The following CYB5R4 variants were observed in gnomAD, a reference collection of about 807,000 sequenced individuals.
CYB5R4 encodes the protein N-terminal cytochrome b5 and cytochrome b5 oxidoreductase domain-containing protein.
Under a neutral mutation model 70.2 loss-of-function variants are expected in CYB5R4, and 55 were observed. That is an observed-to-expected ratio of 0.78 (90% CI 0.63 to 0.98). CYB5R4 has a LOEUF of 0.98. CYB5R4 is among the 50% of genes least tolerant of loss of function. The probability of loss-of-function intolerance (pLI) is 0.00; values close to 1 mark genes in which losing one functional copy is unlikely to be tolerated. For missense variants in CYB5R4, 562 were observed against 612.6 expected, an observed-to-expected ratio of 0.92 and a Z score of 0.87; for synonymous variants, 197 against 199.5, an observed-to-expected ratio of 0.99 and a Z score of 0.11.
intron 3 of CYB5R4, among the ~76,000 whole-genome samples, chr6:83,899,841 T>C (rs894583236): frequency 5.3e-5 from 8 of 152,202 alleles, no homozygotes; most frequent in African/African-American, 1.9e-4. Flanking sequence ...TTGCATCTAT[T>C]TGATTCTTCT....
chr6:83,861,785 T>C (rs1354728811), intron 1 of CYB5R4, among the ~76,000 whole-genome samples: 1 of 152,258 alleles, frequency 6.6e-6, no homozygotes, highest in Non-Finnish European at 1.5e-5. Context: ...TTACTTGTTT[T>C]TTAATTAATC....
intron 2 of CYB5R4, among the ~76,000 whole-genome samples, chr6:83,874,946 C>G (rs2099458290): frequency 6.6e-6 from 1 of 152,074 alleles, no homozygotes; most frequent in South Asian, 2.1e-4. Flanking sequence ...CCTCAGCCTC[C>G]TGAGTAGCTG....
intron 2 of CYB5R4, among the ~76,000 whole-genome samples, chr6:83,876,183 A>G (rs996750500): frequency 6.6e-6 from 1 of 152,210 alleles, no homozygotes; most frequent in African/African-American, 2.4e-5. Context: ...TATCAATTCA[A>G]ATGTGAGCAA....
At chr6:83,885,062 A>T (rs2099460046) in intron 2 of CYB5R4, among the ~76,000 whole-genome samples, 1 of 152,196 alleles carries the variant, frequency 6.6e-6, no homozygotes, top group African/African-American at 2.4e-5. Context: ...TCTTTCAAAA[A>T]TTAAGAAATG....
At chr6:83,884,276 A>G (rs980967590) in intron 2 of CYB5R4, among the ~76,000 whole-genome samples, 3 of 151,608 alleles carry the variant, frequency 2.0e-5, no homozygotes, top group Admixed American at 6.6e-5. Context: ...TCAAGACCTG[A>G]CTACATGATG....
chr6:83,873,046 A>G (rs1025100842), intron 2 of CYB5R4, among the ~76,000 whole-genome samples: 13 of 152,132 alleles, frequency 8.5e-5, no homozygotes, highest in African/African-American at 2.7e-4. Flanking sequence ...CACTTAAACT[A>G]TAGACTGTGC....
intron 3 of CYB5R4, among the ~76,000 whole-genome samples, chr6:83,902,220 T>G (rs2099463087): frequency 6.6e-6 from 1 of 152,182 alleles, no homozygotes. Context: ...TGGAGTTCAT[T>G]TTCATTCTTC....
chr6:83,945,944 CAAA>C lies in CYB5R4; in HGVS notation c.1346+5348_1346+5350del, dbSNP rs752122470. Among the ~76,000 whole-genome samples, 26 of 152,062 alleles carry C rather than the reference CAAA, an allele frequency of 1.7e-4. 1 individual carries two copies. The South Asian group carries it at 4.2e-3, about 24-fold the overall frequency. ...AGGTAGTAATTAATAGCCTACCAAACAAAAAAAGCTCAGGACCAGATGGATTTA... is the reference window on the plus strand; with the variant it reads ...AGGTAGTAATTAATAGCCTACCAAACAAAAGCTCAGGACCAGATGGATTTA... On this transcript the variant is annotated intron_variant, in intron 14 of 15. Transcript: ENST00000369681.
intron 10 of CYB5R4, among the ~76,000 whole-genome samples, chr6:83,930,328 T>G (rs934910125): frequency 6.6e-6 from 1 of 152,216 alleles, no homozygotes; most frequent in African/African-American, 2.4e-5. Flanking sequence ...ACAGTAGAAC[T>G]GCTTTCAAAA....
Position 83,893,553 on chromosome 6 carries a change from G to A in CYB5R4, c.261G>A (p.Glu87=), listed in dbSNP as rs376929600. The A allele has an allele frequency of 3.1e-6, 5 of 1,612,594 alleles. No individual in the cohort carries two copies. Among genetic ancestry groups the A allele is most frequent in the Non-Finnish European group, 3.4e-6 (4 of 1,178,920 alleles). ...GFVYNVSPYM[E]YHPGGEDELM... is the part of the protein sequence containing the mutation. ...TTTATAATGTCAGCCCTTATATGGA[G>A]TATCATCCTGGTGGAGAAGATGAAC... The change falls in exon 3 of 16, where the codon GAG becomes GAA. Residue 87 remains glutamate (E), a synonymous_variant. Transcript: ENST00000369681.
intron 15 of CYB5R4, among the ~76,000 whole-genome samples, chr6:83,957,222 ATT>A (rs1040653236): frequency 1.3e-5 from 2 of 152,120 alleles, no homozygotes; most frequent in African/African-American, 2.4e-5. Flanking sequence ...AATATAAAAA[ATT>A]TTTTATGAAA....
rs1252516051 is a variant in CYB5R4 at position 83,915,222 on chromosome 6, A to G, written c.445+774A>G. Among the ~76,000 whole-genome samples, 3 of 152,178 alleles carry G rather than the reference A, an allele frequency of 2.0e-5. No homozygotes were observed. The East Asian group carries it at 5.8e-4, about 29-fold the overall frequency. ...GCATGGTGGTCACTACTGACATAAA[A>G]TGCATGGTGCTAACTCTGACTGAAC... On this transcript the variant is annotated intron_variant, in intron 5 of 15. Transcript: ENST00000369681.
chr6:83,959,773 C>A (rs1406713033), intron 15 of CYB5R4, 51 bp from the exon 16 acceptor site: 1 of 1,485,720 alleles, frequency 6.7e-7, no homozygotes. Flanking sequence ...CTTATTTCTT[C>A]ATTTTAAAGC....
intron 14 of CYB5R4, among the ~76,000 whole-genome samples, chr6:83,945,168 A>T (rs1360580753): frequency 6.6e-6 from 1 of 152,184 alleles, no homozygotes; most frequent in Non-Finnish European, 1.5e-5. Context: ...CGACCACATA[A>T]TTGGAAGTAA....
At chr6:83,918,187 C>A in intron 6 of CYB5R4, 122 bp downstream of exon 6, 1 of 632,660 alleles carries the variant, frequency 1.6e-6, no homozygotes, top group South Asian at 2.2e-5. Context: ...CTCTTTGACA[C>A]AAGAACTGTA....
At chr6:83,938,103 A>G (rs1159115276) in intron 12 of CYB5R4, among the ~76,000 whole-genome samples, 1 of 152,252 alleles carries the variant, frequency 6.6e-6, no homozygotes, top group African/African-American at 2.4e-5. Context: ...CATAATAGAT[A>G]TGATTAGTCA....
chr6:83,888,136 A>G (rs915800153), intron 2 of CYB5R4, among the ~76,000 whole-genome samples: 7 of 152,168 alleles, frequency 4.6e-5, no homozygotes, highest in Non-Finnish European at 1.5e-5. Flanking sequence ...GACCAGAGCA[A>G]TTAGAGATGT....
At chr6:83,868,918 C>G (rs938891836) in intron 2 of CYB5R4, among the ~76,000 whole-genome samples, 2 of 152,302 alleles carry the variant, frequency 1.3e-5, no homozygotes, top group South Asian at 4.1e-4. Context: ...TGGCTTGATA[C>G]TCAATAACAG....
At position 83,965,879 on chromosome 6, in the gene CYB5R4, AGG is replaced by A. The variant is rs1281259549; in HGVS notation, c.*6005_*6006del. ...TCTCATGAGATCTGATGGTTTCATCAGGGGGTTCCGCTTTTGCATCTTACTCA... is the reference window on the plus strand; with the variant it reads ...TCTCATGAGATCTGATGGTTTCATCAGGGTTCCGCTTTTGCATCTTACTCA... On this transcript the variant is annotated 3_prime_UTR_variant, in exon 16 of 16. Coordinates refer to ENST00000369681, the MANE Select transcript of CYB5R4 (RefSeq NM_016230.4). The A allele has an allele frequency of 6.6e-6, 1 of 152,262 alleles. No individual in the cohort carries two copies. Among genetic ancestry groups the A allele is most frequent in the Non-Finnish European group, 1.5e-5 (1 of 68,126 alleles). The allele number at this position is 152,262 out of a possible 1,614,324, so 9.4% of individuals were successfully genotyped here.
Sources: allele counts gnomAD v4.1 joint callset (sites outside exome capture counted in the v4.1 genomes callset), GRCh38; gene constraint gnomAD v4.1.1; transcripts MANE v1.5; gene names NCBI Gene and HGNC (gene_info 2026-07-23, HGNC 2026-07-21).